The following ATP6V1H variants were observed in gnomAD, a reference collection of about 807,000 sequenced individuals.
The protein encoded by ATP6V1H is V-type proton ATPase subunit H.
In ATP6V1H, 39 loss-of-function variants were observed where a neutral mutation model predicts 71.7. The observed-to-expected ratio is 0.54, with a 90% CI of 0.42 to 0.71. The LOEUF (loss-of-function observed/expected upper bound fraction) is 0.71. ATP6V1H is among the 30% of genes least tolerant of loss of function. The pLI, the probability that ATP6V1H is intolerant of heterozygous loss-of-function variation, is 0.00. For synonymous variants in ATP6V1H, 192 were observed against 199.3 expected, an observed-to-expected ratio of 0.96 and a Z score of 0.31; for missense variants, 509 against 594.9, an observed-to-expected ratio of 0.86 and a Z score of 1.50.
At chr8:53,775,209 G>A (rs1585772711) in intron 9 of ATP6V1H, among the ~76,000 whole-genome samples, 1 of 152,072 alleles carries the variant, frequency 6.6e-6, no homozygotes, top group South Asian at 2.1e-4. Context: ...CGTTCCTCCC[G>A]GTAGGTTCAT....
chr8:53,731,312 C>T (rs1173313252), intron 13 of ATP6V1H, among the ~76,000 whole-genome samples: 2 of 152,140 alleles, frequency 1.3e-5, no homozygotes, highest in African/African-American at 4.8e-5. Context: ...CTCTTATTGT[C>T]TCATACCTCA....
Position 53,819,547 on chromosome 8 carries a change from C to CATATATATAT in ATP6V1H, c.307-2027_307-2018dup, listed in dbSNP as rs34645455. On this transcript the variant is annotated intron_variant, in intron 4 of 13. Coordinates refer to ENST00000359530, the MANE Select transcript of ATP6V1H (RefSeq NM_015941.4). ...AATCTATCTCAAAAAAAAAAAAAAG[C>CATATATATAT]ATATATATATATATATATATATATA... Among the ~76,000 whole-genome samples the CATATATATAT allele has an allele frequency of 1.8e-3, 63 of 35,120 alleles. 1 individual carries two copies. Among genetic ancestry groups the CATATATATAT allele is most frequent in the Non-Finnish European group, 2.4e-3 (51 of 21,162 alleles). 23.0% of individuals were successfully genotyped at this position (35,120 alleles called of 152,430 possible). A position where few individuals can be genotyped will look rare whatever the true frequency, so the allele number is the denominator to read the frequency against.
At position 53,715,981 on chromosome 8, in the gene ATP6V1H, C is replaced by T. The variant is rs146320573; in HGVS notation, c.1435G>A (p.Ala479Thr). ...KQLQSEQPQTAAARS is the reference protein window; with the variant it reads ...KQLQSEQPQTTAARS ...AGGCAGGCTTAGCTTCGGGCGGCAG[C>T]GGTCTGGGGCTGCTCGGACTGGAGC... Residue 479 changes from alanine to threonine, a missense_variant, in exon 14 of 14, where the codon GCT becomes ACT. This residue lies in a region of ATP6V1H where 212 missense variants were observed against 291.6 expected (regional missense o/e 0.73). Transcript: ENST00000359530. The T allele has an allele frequency of 1.5e-5, 24 of 1,607,382 alleles. No homozygotes were observed. Among genetic ancestry groups the T allele is most frequent in the Middle Eastern group, 1.6e-4 (1 of 6,062 alleles).
At chr8:53,786,261 C>T (rs903713649) in intron 9 of ATP6V1H, among the ~76,000 whole-genome samples, 3 of 152,226 alleles carry the variant, frequency 2.0e-5, no homozygotes, top group Non-Finnish European at 2.9e-5. Context: ...CCCAGCCTCG[C>T]TGCCGCCTTG....
intron 11 of ATP6V1H, among the ~76,000 whole-genome samples, chr8:53,757,967 G>A (rs981863878): frequency 6.6e-6 from 1 of 152,238 alleles, no homozygotes; most frequent in African/African-American, 2.4e-5. Flanking sequence ...GGTATGCCTA[G>A]GCACCGGAAG....
At chr8:53,775,685 G>A (rs534570918) in intron 9 of ATP6V1H, among the ~76,000 whole-genome samples, 1 of 150,528 alleles carries the variant, frequency 6.6e-6, no homozygotes, top group East Asian at 2.0e-4. Context: ...GTTCTCCAAG[G>A]CCCCACCAGA....
At chr8:53,741,475 C>T (rs1419203427) in intron 13 of ATP6V1H, among the ~76,000 whole-genome samples, 1 of 152,174 alleles carries the variant, frequency 6.6e-6, no homozygotes, top group African/African-American at 2.4e-5. Context: ...TTGACTTTCA[C>T]AGAAACTTTA....
intron 4 of ATP6V1H, among the ~76,000 whole-genome samples, chr8:53,823,086 G>A (rs1810711979): frequency 6.6e-6 from 1 of 151,808 alleles, no homozygotes; most frequent in African/African-American, 2.4e-5. Flanking sequence ...CGAGAAAAAA[G>A]TAGACAAAAA....
intron 9 of ATP6V1H, among the ~76,000 whole-genome samples, chr8:53,773,346 G>C (rs570991686): frequency 6.6e-6 from 1 of 152,100 alleles, no homozygotes; most frequent in South Asian, 2.1e-4. Context: ...ACTCAGGTAC[G>C]ATGGATTTAA....
At position 53,801,883 on chromosome 8, in the gene ATP6V1H, A is replaced by C; in HGVS notation, c.593T>G (p.Val198Gly). Reference protein sequence around the residue: ...TVSSSDSSQYVQCVAGCLQLM... With the variant: ...TVSSSDSSQYGQCVAGCLQLM... ...CTGCAAACACCCGGCCACGCACTGC[A>C]CATACTGCGAACTCTGCACAAGAAG... is the stretch of plus-strand genomic sequence containing the variant. The change falls in exon 8 of 14, where the codon GTG becomes GGG. Residue 198 changes from valine to glycine, a missense_variant. Val to Gly is a moderately radical substitution (Grantham distance 109). Around this residue, in one of 2 missense-constraint regions of ATP6V1H, gnomAD observed 297 missense variants for 303.3 expected, o/e 0.98. Transcript: ENST00000359530. 1 of 1,613,842 alleles carries C rather than the reference A, an allele frequency of 6.2e-7. No individual in the cohort carries two copies.
At chr8:53,776,189 C>G (rs1808882492) in intron 9 of ATP6V1H, among the ~76,000 whole-genome samples, 1 of 152,172 alleles carries the variant, frequency 6.6e-6, no homozygotes. Context: ...CCGGCTGCTC[C>G]GAGTTTGGGG....
intron 9 of ATP6V1H, among the ~76,000 whole-genome samples, chr8:53,777,857 T>A (rs1379391187): frequency 6.6e-6 from 1 of 152,148 alleles, no homozygotes; most frequent in Non-Finnish European, 1.5e-5. Flanking sequence ...TAAAGGAAAG[T>A]GATACCACAA....
chr8:53,785,933 T>G (rs570585398), intron 9 of ATP6V1H, among the ~76,000 whole-genome samples: 29 of 152,278 alleles, frequency 1.9e-4, no homozygotes, highest in African/African-American at 6.3e-4. Context: ...CTGTGTGAGG[T>G]GTCAGTCCAC....
intron 4 of ATP6V1H, among the ~76,000 whole-genome samples, chr8:53,822,979 A>C (rs1452943367): frequency 6.6e-6 from 1 of 152,208 alleles, no homozygotes; most frequent in Non-Finnish European, 1.5e-5. Flanking sequence ...ATCCACCTTT[A>C]TAAAGTGAAA....
At chr8:53,811,508 T>A (rs1810273332) in intron 6 of ATP6V1H, among the ~76,000 whole-genome samples, 2 of 152,178 alleles carry the variant, frequency 1.3e-5, no homozygotes, top group South Asian at 4.1e-4. Context: ...TAGTGCAAAT[T>A]TCCAAGTCTT....
intron 9 of ATP6V1H, among the ~76,000 whole-genome samples, chr8:53,774,635 T>C (rs1235152763): frequency 6.6e-6 from 1 of 151,804 alleles, no homozygotes; most frequent in Non-Finnish European, 1.5e-5. Flanking sequence ...CTATAAAATC[T>C]GGATGAAATA....
Position 53,819,547 on chromosome 8 carries a change from C to CATATATAT in ATP6V1H, c.307-2025_307-2018dup, listed in dbSNP as rs34645455. Among the ~76,000 whole-genome samples the CATATATAT allele has an allele frequency of 9.8e-3, 345 of 35,110 alleles. 2 individuals are homozygous for CATATATAT. The highest frequency in any genetic ancestry group is 0.012 in the Non-Finnish European group (249 of 21,158). 23.0% of individuals were successfully genotyped at this position (35,110 alleles called of 152,430 possible). On this transcript the variant is annotated intron_variant, in intron 4 of 13. Transcript: ENST00000359530. ...AATCTATCTCAAAAAAAAAAAAAAGCATATATATATATATATATATATATA... is the reference window on the plus strand; with the variant it reads ...AATCTATCTCAAAAAAAAAAAAAAGCATATATATATATATATATATATATATATATATA...
intron 12 of ATP6V1H, among the ~76,000 whole-genome samples, chr8:53,744,690 T>C (rs1417124612): frequency 2.6e-5 from 4 of 152,138 alleles, no homozygotes; most frequent in Non-Finnish European, 5.9e-5. Context: ...ATTTTATTCT[T>C]TAAAGCATGG....
At chr8:53,825,479 TG>T (rs35404647) in intron 4 of ATP6V1H, among the ~76,000 whole-genome samples, 1 of 150,966 alleles carries the variant, frequency 6.6e-6, no homozygotes, top group Non-Finnish European at 1.5e-5. Flanking sequence ...AGGTAAATAC[TG>T]GGGGAAAAAA....
Sources: allele counts gnomAD v4.1 joint callset (sites outside exome capture counted in the v4.1 genomes callset), GRCh38; gene constraint gnomAD v4.1.1; regional missense constraint gnomAD v4.1.1; transcripts MANE v1.5; gene names NCBI Gene and HGNC (gene_info 2026-07-23, HGNC 2026-07-21).